ROBO2: variants seen among roughly 807,000 people sequenced by gnomAD.
ROBO2 encodes the protein roundabout homolog 2.
ROBO2 carries 53 observed loss-of-function variants against 160.8 expected under a neutral mutation model. The observed-to-expected ratio is 0.33, with a 90% CI of 0.26 to 0.41. ROBO2 has a LOEUF of 0.41. Among genes scored for constraint, ROBO2 ranks in the 10% least tolerant of loss-of-function variants. The pLI is 1.00. For missense variants in ROBO2, 1,577 were observed against 1,722.4 expected, an observed-to-expected ratio of 0.92 and a Z score of 1.49; for synonymous variants, 664 against 611.7, an observed-to-expected ratio of 1.09 and a Z score of -1.26.
intron 2 of ROBO2, among the ~76,000 whole-genome samples, chr3:76,657,898 G>A (rs952688296): frequency 4.8e-5 from 7 of 147,094 alleles, no homozygotes; most frequent in Non-Finnish European, 7.4e-5. Context: ...ATATATATAT[G>A]TGTGTGTATC....
chr3:77,535,814 T>C (rs904432966), intron 6 of ROBO2, among the ~76,000 whole-genome samples: 78 of 152,272 alleles, frequency 5.1e-4, no homozygotes, highest in African/African-American at 1.9e-3. Flanking sequence ...CTATGTATAA[T>C]TTAAAAGTTC....
intron 2 of ROBO2, among the ~76,000 whole-genome samples, chr3:76,429,948 C>T (rs116061907): frequency 1.4e-3 from 216 of 152,228 alleles, no homozygotes; most frequent in Non-Finnish European, 2.2e-3. Context: ...ATCAAAGGAA[C>T]AAACAGCATA....
intron 1 of ROBO2, among the ~76,000 whole-genome samples, chr3:77,047,677 C>T (rs1397213665): frequency 2.0e-5 from 3 of 149,336 alleles, no homozygotes; most frequent in African/African-American, 7.4e-5. Context: ...ACGGGCAAAA[C>T]TCCGTCTCAA....
chr3:76,979,140 C>T (rs950662486), intron 2 of ROBO2, among the ~76,000 whole-genome samples: 10 of 151,920 alleles, frequency 6.6e-5, no homozygotes, highest in African/African-American at 1.5e-4. Context: ...AGTGGGGTTA[C>T]GCCATGTTGC....
At chr3:77,099,465 T>G (rs1364493603) in intron 2 of ROBO2, among the ~76,000 whole-genome samples, 3 of 152,162 alleles carry the variant, frequency 2.0e-5, no homozygotes, top group African/African-American at 7.2e-5. Flanking sequence ...AAGACCCATA[T>G]TTTTTATTTT....
At chr3:77,563,035 C>A in intron 10 of ROBO2, 132 bp from the exon 12 acceptor site, 1 of 806,880 alleles carries the variant, frequency 1.2e-6, no homozygotes. Context: ...CATTCACTTA[C>A]ATACTTCTGA....
intron 1 of ROBO2, among the ~76,000 whole-genome samples, chr3:77,041,596 G>A (rs2064106497): frequency 6.6e-6 from 1 of 152,082 alleles, no homozygotes. Flanking sequence ...TGGTTTACTG[G>A]GATATTTTCA....
At chr3:76,817,923 T>G (rs1694023407) in intron 2 of ROBO2, among the ~76,000 whole-genome samples, 1 of 151,496 alleles carries the variant, frequency 6.6e-6, no homozygotes, top group African/African-American at 2.4e-5. Context: ...TTCAGGTGGC[T>G]CCGTAGTTTT....
intron 23 of ROBO2, chr3:77,630,413 T>A (rs1416820340): frequency 6.6e-6 from 1 of 151,928 alleles, no homozygotes; most frequent in Non-Finnish European, 1.5e-5. Context: ...TGCCAGAGAT[T>A]TATCGAACAA....
chr3:76,331,126 G>A (rs990326388), intron 2 of ROBO2, among the ~76,000 whole-genome samples: 1 of 152,070 alleles, frequency 6.6e-6, no homozygotes, highest in Non-Finnish European at 1.5e-5. Flanking sequence ...AGCCCATGGC[G>A]GTAATGTACC....
intron 2 of ROBO2, among the ~76,000 whole-genome samples, chr3:76,059,994 G>T (rs76856017): frequency 0.021 from 3,122 of 152,162 alleles, 44 homozygotes; most frequent in East Asian, 0.081. Context: ...GCTCTGTTCT[G>T]TTCCATTGGT....
intron 2 of ROBO2, among the ~76,000 whole-genome samples, chr3:77,212,204 T>C (rs1478539056): frequency 6.6e-6 from 1 of 152,192 alleles, no homozygotes; most frequent in East Asian, 1.9e-4. Context: ...TTCCTACCCA[T>C]GAGCATGGAA....
At chr3:76,834,093 T>TCTTTCTTTCTTTCTTC (rs1559575144) in intron 2 of ROBO2, among the ~76,000 whole-genome samples, 3 of 147,664 alleles carry the variant, frequency 2.0e-5, no homozygotes, top group African/African-American at 7.5e-5. Flanking sequence ...TTTCTTTCTT[T>TCTTTCTTTCTTTCTTC]CTTTCTTTCT....
chr3:76,209,187 C>T (rs1341204517), intron 2 of ROBO2, among the ~76,000 whole-genome samples: 3 of 152,140 alleles, frequency 2.0e-5, no homozygotes, highest in Admixed American at 6.5e-5. Flanking sequence ...AATTGATGCC[C>T]AGTCCCTTTC....
chr3:76,378,157 A>G lies in ROBO2; in HGVS notation c.109+440555A>G, dbSNP rs567350705. Among the ~76,000 whole-genome samples the G allele has an allele frequency of 6.2e-4, 95 of 152,318 alleles. 1 individual carries two copies. The highest frequency in any genetic ancestry group is 3.4e-3 in the Middle Eastern group (1 of 294). ...TTAACTTCCATGTTGTGATTAGATGAATAAACCTTACAAAATGAAAAATAA... is the reference window on the plus strand; with the variant it reads ...TTAACTTCCATGTTGTGATTAGATGGATAAACCTTACAAAATGAAAAATAA... On this transcript the variant is annotated intron_variant, in intron 2 of 26. Coordinates refer to the ROBO2 transcript ENST00000487694.
chr3:76,503,688 G>A (rs1273858414), intron 2 of ROBO2, among the ~76,000 whole-genome samples: 17 of 152,100 alleles, frequency 1.1e-4, no homozygotes, highest in Non-Finnish European at 1.8e-4. Flanking sequence ...AGTGAAATAA[G>A]CCAGGCACAG....
At chr3:77,222,160 C>G (rs1192764201) in intron 2 of ROBO2, among the ~76,000 whole-genome samples, 1 of 152,068 alleles carries the variant, frequency 6.6e-6, no homozygotes, top group Non-Finnish European at 1.5e-5. Context: ...CCAATGGACT[C>G]TCAATACACT....
chr3:76,620,416 G>A (rs2088972209), intron 2 of ROBO2, among the ~76,000 whole-genome samples: 1 of 151,846 alleles, frequency 6.6e-6, no homozygotes, highest in Non-Finnish European at 1.5e-5. Context: ...GGTTTATCGT[G>A]GAGCAAAAAA....
At chr3:77,252,839 T>TATTTAAGTTTTC (rs2153307672) in intron 2 of ROBO2, among the ~76,000 whole-genome samples, 1 of 105,318 alleles carries the variant, frequency 9.5e-6, no homozygotes, top group East Asian at 2.3e-4. Flanking sequence ...AAAATATATA[T>TATTTAAGTTTTC]ATATATATAT....
Sources: gnomAD v4.1 joint callset for allele counts (sites outside exome capture counted in the v4.1 genomes callset) on GRCh38, gnomAD v4.1.1 for gene constraint, MANE v1.5 for transcripts, NCBI Gene and HGNC (gene_info 2026-07-23, HGNC 2026-07-21) for gene names.